The following SLC25A13 variants were observed in gnomAD, a reference collection of about 807,000 sequenced individuals.
SLC25A13 encodes electrogenic aspartate/glutamate antiporter SLC25A13, mitochondrial.
A neutral mutation model predicts 85.5 loss-of-function variants in SLC25A13; 70 were observed. The ratio of observed to expected loss-of-function variants is 0.82; its 90% CI spans 0.68 to 1.00. SLC25A13 has a LOEUF of 1.00. Ranked by LOEUF, SLC25A13 falls within the 50% of genes least tolerant of loss-of-function variation. The pLI, the probability that SLC25A13 is intolerant of heterozygous loss-of-function variation, is 0.00. For synonymous variants in SLC25A13, 259 were observed against 288.7 expected, an observed-to-expected ratio of 0.90 and a Z score of 1.04; for missense variants, 765 against 819.8, an observed-to-expected ratio of 0.93 and a Z score of 0.82.
chr7:96,291,712 C>G (rs1799126426), intron 2 of SLC25A13, among the ~76,000 whole-genome samples: 1 of 152,168 alleles, frequency 6.6e-6, no homozygotes, highest in African/African-American at 2.4e-5. Context: ...CATACACCCT[C>G]CCAAGACTAA....
At chr7:96,161,656 A>T (rs1267768413) in intron 13 of SLC25A13, among the ~76,000 whole-genome samples, 7 of 152,184 alleles carry the variant, frequency 4.6e-5, no homozygotes, top group Non-Finnish European at 8.8e-5. Context: ...ATGAAGGAAG[A>T]TCTCCTCAAG....
At chr7:96,242,593 C>T (rs1194174284) in intron 3 of SLC25A13, among the ~76,000 whole-genome samples, 1 of 152,176 alleles carries the variant, frequency 6.6e-6, no homozygotes, top group African/African-American at 2.4e-5. Flanking sequence ...CCTCTGAAGC[C>T]TGCTACCTAA....
At chr7:96,206,777 A>C (rs1795478717) in intron 5 of SLC25A13, among the ~76,000 whole-genome samples, 1 of 152,216 alleles carries the variant, frequency 6.6e-6, no homozygotes, top group Non-Finnish European at 1.5e-5. Context: ...ATAGTCCCTG[A>C]GTTATTTAAT....
At chr7:96,217,216 G>C (rs974887705) in intron 4 of SLC25A13, among the ~76,000 whole-genome samples, 1 of 152,190 alleles carries the variant, frequency 6.6e-6, no homozygotes. Flanking sequence ...TAATCAAAAA[G>C]AGATAATAAG....
chr7:96,235,284 C>A (rs1419398344), intron 3 of SLC25A13, among the ~76,000 whole-genome samples: 1 of 152,192 alleles, frequency 6.6e-6, no homozygotes, highest in African/African-American at 2.4e-5. Flanking sequence ...AATAGAGCAA[C>A]TTTGTTATGC....
At chr7:96,264,212 C>G (rs887325565) in intron 3 of SLC25A13, among the ~76,000 whole-genome samples, 2 of 152,174 alleles carry the variant, frequency 1.3e-5, no homozygotes, top group African/African-American at 4.8e-5. Flanking sequence ...GAAAAACATA[C>G]AGCCACACTA....
chr7:96,122,563 G>T (rs886326491), intron 15 of SLC25A13, among the ~76,000 whole-genome samples: 1 of 152,132 alleles, frequency 6.6e-6, no homozygotes, highest in African/African-American at 2.4e-5. Context: ...TGTGTGTTGG[G>T]GGGTGGGAGG....
intron 13 of SLC25A13, among the ~76,000 whole-genome samples, chr7:96,167,543 T>C (rs961016358): frequency 2.0e-5 from 3 of 152,208 alleles, no homozygotes; most frequent in Admixed American, 2.0e-4. Flanking sequence ...TGGTTACAAG[T>C]GCAAAAGTCA....
At chr7:96,282,044 A>G (rs943713914) in intron 2 of SLC25A13, among the ~76,000 whole-genome samples, 1 of 152,162 alleles carries the variant, frequency 6.6e-6, no homozygotes, top group African/African-American at 2.4e-5. Context: ...CATCTTTAAA[A>G]TGTCATTAAT....
intron 2 of SLC25A13, among the ~76,000 whole-genome samples, chr7:96,287,730 T>C (rs1331746301): frequency 1.3e-5 from 2 of 152,212 alleles, no homozygotes; most frequent in Admixed American, 6.5e-5. Context: ...AGATGCACCA[T>C]GTATTGAGAC....
At chr7:96,228,663 C>A (rs778298791) in intron 4 of SLC25A13, among the ~76,000 whole-genome samples, 37 of 152,178 alleles carry the variant, frequency 2.4e-4, no homozygotes, top group Non-Finnish European at 4.9e-4. Context: ...CCTCTCTGGG[C>A]CGAGGCCAGA....
chr7:96,213,562 A>AT (rs1293369794), intron 4 of SLC25A13, among the ~76,000 whole-genome samples: 1 of 152,194 alleles, frequency 6.6e-6, no homozygotes. Context: ...AACCCGTACC[A>AT]TTCCCTGACC....
chr7:96,234,487 C>T (rs538665539), intron 4 of SLC25A13, among the ~76,000 whole-genome samples: 1 of 152,274 alleles, frequency 6.6e-6, no homozygotes, highest in Non-Finnish European at 1.5e-5. Flanking sequence ...GAAAGCACTA[C>T]TGATGATGCA....
At chr7:96,240,633 C>G (rs1274475352) in intron 3 of SLC25A13, among the ~76,000 whole-genome samples, 3 of 151,528 alleles carry the variant, frequency 2.0e-5, no homozygotes, top group African/African-American at 4.9e-5. Context: ...AATTCCAGCA[C>G]TTTGGGAGGC....
At position 96,176,681 on chromosome 7, in the gene SLC25A13, C is replaced by CA. The variant is rs543679499; in HGVS notation, c.1178-5158dup. Among the ~76,000 whole-genome samples the CA allele has an allele frequency of 2.3e-3, 344 of 152,308 alleles. 1 individual carries two copies. Among genetic ancestry groups the CA allele is most frequent in the Non-Finnish European group, 3.7e-3 (252 of 68,020 alleles). ...CAACTCAAGCTTCACAGGACATCCC[C>CA]AAAAGAGGTTCCTGGGCCCACTGTG... On this transcript the variant is annotated intron_variant, in intron 11 of 17. Transcript: ENST00000265631.
intron 4 of SLC25A13, among the ~76,000 whole-genome samples, chr7:96,211,830 G>A (rs567730138): frequency 6.6e-6 from 1 of 152,092 alleles, no homozygotes; most frequent in Admixed American, 6.6e-5. Flanking sequence ...AGTCAACATC[G>A]TTTATCAAAA....
rs181378817 is a variant in SLC25A13, at chr7:96,180,308, A to C, written c.1177+3969T>G. Among the ~76,000 whole-genome samples the C allele has an allele frequency of 7.2e-5, 11 of 152,262 alleles. No individual in the cohort carries two copies. The East Asian group carries it at 1.9e-3, about 27-fold the overall frequency. Reference sequence around the variant, plus strand: ...TCAATAGAAACAAAAATTTTCGTCTAAGAAGTATTTCTGATAGACCCTGAT... The same window carrying C: ...TCAATAGAAACAAAAATTTTCGTCTCAGAAGTATTTCTGATAGACCCTGAT... On this transcript the variant is annotated intron_variant, in intron 11 of 17. Coordinates refer to ENST00000265631, the MANE Select transcript of SLC25A13 (RefSeq NM_014251.3).
intron 15 of SLC25A13, among the ~76,000 whole-genome samples, chr7:96,129,454 C>A: frequency 6.6e-6 from 1 of 151,898 alleles, no homozygotes; most frequent in East Asian, 1.9e-4. Context: ...TTCAGATAAT[C>A]TATTTCTCTT....
chr7:96,284,218 T>C (rs1304652045), intron 2 of SLC25A13, among the ~76,000 whole-genome samples: 3 of 151,912 alleles, frequency 2.0e-5, no homozygotes, highest in African/African-American at 7.2e-5. Flanking sequence ...GGAAAAAAAA[T>C]TATATACATA....
Sources: gnomAD v4.1 joint callset for allele counts (sites outside exome capture counted in the v4.1 genomes callset) on GRCh38, gnomAD v4.1.1 for gene constraint, MANE v1.5 for transcripts, NCBI Gene and HGNC (gene_info 2026-07-23, HGNC 2026-07-21) for gene names.